The following COQ8A variants were observed in gnomAD, a reference collection of about 807,000 sequenced individuals.
The protein encoded by COQ8A is coenzyme Q8A.
COQ8A carries 51 observed loss-of-function variants against 65.0 expected under a neutral mutation model. The observed-to-expected ratio is 0.78, with a 90% CI of 0.63 to 0.99. COQ8A has a LOEUF of 0.99. Ranked by LOEUF, COQ8A falls within the 50% of genes least tolerant of loss-of-function variation. COQ8A has a pLI of 0.00. For missense variants in COQ8A, 940 were observed against 875.0 expected (o/e 1.07, Z -0.94); for synonymous variants, 371 against 353.2 (o/e 1.05, Z -0.57).
At chr1:226,947,837 G>GT (rs1657137895) in intron 1 of COQ8A, among the ~76,000 whole-genome samples, 1 of 151,880 alleles carries the variant, frequency 6.6e-6, no homozygotes, top group South Asian at 2.1e-4. Flanking sequence ...CTGGCATGTA[G>GT]TATGGGCCCA....
chr1:226,983,180 T>C, intron 8 of COQ8A, 146 bp downstream of exon 8: 4 of 1,227,900 alleles, frequency 3.3e-6, no homozygotes, highest in Non-Finnish European at 1.1e-6. Flanking sequence ...CTGGCCCCAG[T>C]GCCTGGACGG....
intron 4 of COQ8A, among the ~76,000 whole-genome samples, chr1:226,976,656 C>T (rs1410420866): frequency 6.6e-6 from 1 of 152,172 alleles, no homozygotes; most frequent in African/African-American, 2.4e-5. Flanking sequence ...ATTAGTGGCA[C>T]CTTCTGGGCT....
At position 226,947,936 on chromosome 1, in the gene COQ8A, C is replaced by G. The variant is rs944601; in HGVS notation, c.-10+7537C>G. Among the ~76,000 whole-genome samples, 495 of 152,238 alleles carry G rather than the reference C, an allele frequency of 3.3e-3. 16 individuals are homozygous for G. The East Asian group carries it at 0.063, about 19-fold the overall frequency. ...TAGTCTACCACCCAGCTTGGTGCCT[C>G]GCACTTGGTTGGCATTCAGTAGTAT... On this transcript the variant is annotated intron_variant, in intron 1 of 14. Transcript: ENST00000366777.
Position 226,949,985 on chromosome 1 carries a change from C to T in COQ8A, c.-10+9586C>T, listed in dbSNP as rs1657277104. Among the ~76,000 whole-genome samples the T allele has an allele frequency of 6.6e-6, 1 of 152,194 alleles. No individual in the cohort carries two copies. The highest frequency in any genetic ancestry group is 1.5e-5 in the Non-Finnish European group (1 of 68,042). The stretch of plus-strand genomic sequence containing the variant: ...CTTAACCATGTCACCAGTATCACTT[C>T]CTGAGCCAAATATTTTAATTTAAAT... On this transcript the variant is annotated intron_variant, in intron 1 of 14. Transcript: ENST00000366777. This position sits in a 1 kb window ranked among gnomAD's most constrained non-coding sequence, Gnocchi z 4.0.
chr1:226,985,282 G>C lies in COQ8A; in HGVS notation c.1601G>C (p.Arg534Thr). ...QIIRAAADRDRETVRAKSIEM... is the reference protein window; with the variant it reads ...QIIRAAADRDTETVRAKSIEM... ...ATCAGGGCTGCTGCCGACAGGGACA[G>C]GGAGACTGTGCGGGCGAAATCCATA... The change falls in exon 14 of 15, where the codon AGG becomes ACG. Residue 534 changes from arginine (R) to threonine (T), a missense_variant. By Grantham distance (71) the Arg-to-Thr change is moderately conservative. Transcript: ENST00000366777. 1 of 1,613,844 alleles carries C rather than the reference G, an allele frequency of 6.2e-7. No homozygotes were observed. Among genetic ancestry groups the C allele is most frequent in the Non-Finnish European group, 8.5e-7 (1 of 1,180,032 alleles).
At chr1:226,973,853 C>T (rs1265348448) in intron 4 of COQ8A, among the ~76,000 whole-genome samples, 1 of 152,228 alleles carries the variant, frequency 6.6e-6, no homozygotes, top group Non-Finnish European at 1.5e-5. Flanking sequence ...TAGCGCAGCG[C>T]CTGGTTTATA....
Position 226,986,879 on chromosome 1 carries a change from G to A in COQ8A, c.*142G>A, listed in dbSNP as rs1006170940. The A allele has an allele frequency of 2.4e-5, 24 of 1,003,926 alleles. No homozygotes were observed. The highest frequency in any genetic ancestry group is 4.6e-5 in the South Asian group (3 of 65,864). 62.2% of individuals were successfully genotyped at this position (1,003,926 alleles called of 1,614,324 possible). ...GGCTGCCTGGAGCCCCGTAGCCAGC[G>A]CTTTCCACGGTTTCTGTTGCTAAAT... On this transcript the variant is annotated 3_prime_UTR_variant, in exon 15 of 15. Coordinates refer to ENST00000366777, the MANE Select transcript of COQ8A (RefSeq NM_020247.5).
At chr1:226,982,527 G>A (rs911210989) in intron 6 of COQ8A, 151 bp from the exon 7 acceptor site, 101 of 851,450 alleles carry the variant, frequency 1.2e-4, no homozygotes, top group Non-Finnish European at 7.5e-5. Flanking sequence ...GGCCGAGGGC[G>A]TGTGTGCGAG....
intron 1 of COQ8A, among the ~76,000 whole-genome samples, chr1:226,952,168 CCTCT>C (rs1017792827): frequency 6.6e-6 from 1 of 152,146 alleles, no homozygotes. Context: ...GGCAGTTGAG[CCTCT>C]CTCTCCAAAT....
At position 226,961,656 on chromosome 1, in the gene COQ8A, T is replaced by A. The variant is rs535575594; in HGVS notation, c.177+94T>A. 20 of 1,441,136 alleles carry A rather than the reference T, an allele frequency of 1.4e-5. No homozygotes were observed. The South Asian group carries it at 2.6e-4, about 19-fold the overall frequency. 89.3% of individuals were successfully genotyped at this position (1,441,136 alleles called of 1,614,324 possible). ...CAAGGGCTGTGACCATGGCAACTGG[T>A]CTTTGGTGGCCAGGGCCTGAGGGCC... On this transcript the variant is annotated intron_variant, in intron 2 of 14. Transcript: ENST00000366777.
intron 4 of COQ8A, among the ~76,000 whole-genome samples, chr1:226,970,096 G>A (rs1658803277): frequency 6.6e-6 from 1 of 152,182 alleles, no homozygotes; most frequent in African/African-American, 2.4e-5. Context: ...GGAATTACAG[G>A]TGTGTGCTGC....
Position 226,985,289 on chromosome 1 carries a change from T to C in COQ8A, c.1608T>C (p.Thr536=), listed in dbSNP as rs1326111348. The stretch of plus-strand genomic sequence containing the variant: ...CTGCTGCCGACAGGGACAGGGAGAC[T>C]GTGCGGGCGAAATCCATAGAGATGA... ...IRAAADRDRE[T]VRAKSIEMKF... The change falls in exon 14 of 15, where the codon ACT becomes ACC. Residue 536 remains threonine, a synonymous_variant. Transcript: ENST00000366777. 8.7e-6 allele frequency: 14 copies of C among 1,613,834 alleles called. No individual in the cohort carries two copies. Among genetic ancestry groups the C allele is most frequent in the East Asian group, 2.2e-5 (1 of 44,874 alleles).
intron 1 of COQ8A, among the ~76,000 whole-genome samples, chr1:226,954,271 G>A (rs1277574803): frequency 5.9e-5 from 9 of 152,242 alleles, no homozygotes; most frequent in Non-Finnish European, 8.8e-5. Flanking sequence ...GAAGACTTCC[G>A]CCTAAGGGCA....
intron 5 of COQ8A, among the ~76,000 whole-genome samples, chr1:226,980,529 C>G (rs1659621476): frequency 6.6e-6 from 1 of 152,228 alleles, no homozygotes; most frequent in Admixed American, 6.5e-5. Flanking sequence ...TACCACAGGC[C>G]TAGGGGGCAG....
At position 226,986,545 on chromosome 1, in the gene COQ8A, CGAG is replaced by C; in HGVS notation, c.1753_1755del (p.Glu585del). 1 of 1,614,028 alleles carries C rather than the reference CGAG, an allele frequency of 6.2e-7. No homozygotes were observed. The highest frequency in any genetic ancestry group is 1.1e-5 in the South Asian group (1 of 91,064). ...TTGATTTTGGCACTCAGAGCACCAC[CGAG>C]AAGATCCACAACCTGATTCCCGTCA... is the stretch of plus-strand genomic sequence containing the variant. On this transcript the variant is annotated inframe_deletion, in exon 15 of 15. Transcript: ENST00000366777.
chr1:226,965,488 C>T lies in COQ8A; in HGVS notation c.588+78C>T. On this transcript the variant is annotated intron_variant, in intron 3 of 14. Transcript: ENST00000366777. ...ATGGCCTTGGGCTCTGCTCTAGGGA[C>T]TTTTCCTGGGTGCTGTGGTCTGGGG... 2.6e-6 allele frequency: 4 copies of T among 1,565,860 alleles called. No homozygotes were observed. In the Admixed American group the frequency reaches 7.6e-5, roughly 30 times the overall value.
chr1:226,960,523 TTGG>T (rs1438005683), intron 1 of COQ8A, among the ~76,000 whole-genome samples: 26 of 138,276 alleles, frequency 1.9e-4, no homozygotes, highest in Non-Finnish European at 3.6e-4. Flanking sequence ...GTGGTGGTGC[TTGG>T]TGGTGGTGGT....
chr1:226,978,832 C>T (rs1558202342), intron 5 of COQ8A, among the ~76,000 whole-genome samples: 1 of 121,856 alleles, frequency 8.2e-6, no homozygotes, highest in African/African-American at 2.7e-5. Flanking sequence ...GCACACACCT[C>T]CTTACACACC....
intron 4 of COQ8A, among the ~76,000 whole-genome samples, chr1:226,971,510 G>A (rs1000249693): frequency 6.6e-6 from 1 of 151,522 alleles, no homozygotes; most frequent in African/African-American, 2.4e-5. Flanking sequence ...CAAGATGGCG[G>A]CGTTGCACTC....
Sources: gnomAD v4.1 joint callset for allele counts (sites outside exome capture counted in the v4.1 genomes callset) on GRCh38, gnomAD v4.1.1 for gene constraint, Gnocchi (gnomAD v3.1) non-coding constraint, MANE v1.5 for transcripts, NCBI Gene and HGNC (gene_info 2026-07-23, HGNC 2026-07-21) for gene names.